Variants in AZI2 observed in about 807,000 individuals in gnomAD.
The protein encoded by AZI2 is 5-azacytidine-induced protein 2.
AZI2 carries 22 observed loss-of-function variants against 45.8 expected under a neutral mutation model. The observed-to-expected ratio is 0.48, with a 90% CI of 0.34 to 0.69. The LOEUF is 0.69. Among genes scored for constraint, AZI2 ranks in the 30% least tolerant of loss-of-function variants. AZI2 has a pLI of 0.01. For synonymous variants in AZI2, 137 were observed against 156.7 expected (o/e 0.87, Z 0.94); for missense variants, 417 against 441.5 (o/e 0.94, Z 0.50).
At chr3:28,346,253 T>C (rs1329137371) in intron 1 of AZI2, among the ~76,000 whole-genome samples, 1 of 152,128 alleles carries the variant, frequency 6.6e-6, no homozygotes, top group Non-Finnish European at 1.5e-5. Context: ...TATAGTTTAG[T>C]TCGCTTTACC....
At chr3:28,348,565 T>A (rs1704372316) in intron 1 of AZI2, 36 bp downstream of exon 1, 1 of 152,578 alleles carries the variant, frequency 6.6e-6, no homozygotes, top group African/African-American at 2.4e-5. Context: ...ATTGCCCGCA[T>A]CCCTATCCTC....
At chr3:28,345,602 A>G (rs1230616379) in intron 1 of AZI2, among the ~76,000 whole-genome samples, 3 of 152,148 alleles carry the variant, frequency 2.0e-5, no homozygotes, top group Non-Finnish European at 2.9e-5. Context: ...TAAAAAAGAA[A>G]GGGCACAATT....
rs546565020 is a variant in AZI2 at position 28,336,664 on chromosome 3, C to T, written c.588+73G>A. ...TTTATTTTAACTCTATGGTTTAATA[C>T]AATCTTAGTTATAAATCCTACATAT... On this transcript the variant is annotated intron_variant, in intron 5 of 7. Coordinates refer to ENST00000479665, the MANE Select transcript of AZI2 (RefSeq NM_022461.5). 8 of 1,442,074 alleles carry T rather than the reference C, an allele frequency of 5.5e-6. No homozygotes were observed. The East Asian group carries it at 1.6e-4, about 29-fold the overall frequency. 89.3% of individuals were successfully genotyped at this position (1,442,074 alleles called of 1,614,324 possible).
chr3:28,341,933 C>A (rs1168225070), intron 1 of AZI2, among the ~76,000 whole-genome samples: 1 of 151,954 alleles, frequency 6.6e-6, no homozygotes, highest in East Asian at 1.9e-4. Context: ...TCCAAAGTAA[C>A]ATAGTAAGTG....
chr3:28,343,496 C>T (rs1344993138), intron 1 of AZI2, among the ~76,000 whole-genome samples: 6 of 151,348 alleles, frequency 4.0e-5, no homozygotes, highest in African/African-American at 1.2e-4. Flanking sequence ...AAAACACAGG[C>T]CTGGACATGA....
rs1703281004 is a variant in AZI2, at chr3:28,323,981, C to A, written c.*61G>T. Reference sequence around the variant, plus strand: ...CTCCTTTCAGTTTGTTAAATAATTTCTTGGGAGGACCACTGAAAGAGATAA... The same window carrying A: ...CTCCTTTCAGTTTGTTAAATAATTTATTGGGAGGACCACTGAAAGAGATAA... On this transcript the variant is annotated 3_prime_UTR_variant, in exon 8 of 8. Coordinates refer to ENST00000479665, the MANE Select transcript of AZI2 (RefSeq NM_022461.5). The A allele has an allele frequency of 6.7e-7, 1 of 1,489,648 alleles. No individual in the cohort carries two copies. The highest frequency in any genetic ancestry group is 9.1e-7 in the Non-Finnish European group (1 of 1,104,882). 92.3% of individuals were successfully genotyped at this position (1,489,648 alleles called of 1,614,324 possible).
chr3:28,346,218 C>A (rs1704223061), intron 1 of AZI2, among the ~76,000 whole-genome samples: 1 of 152,080 alleles, frequency 6.6e-6, no homozygotes. Flanking sequence ...AACACAGATT[C>A]TAGTCTAGGA....
chr3:28,344,884 A>C (rs1055954567), intron 1 of AZI2, among the ~76,000 whole-genome samples: 1 of 152,168 alleles, frequency 6.6e-6, no homozygotes, highest in Middle Eastern at 3.2e-3. Flanking sequence ...CAGAAACTGA[A>C]CTTTCAAAAC....
At position 28,338,629 on chromosome 3, in the gene AZI2, A is replaced by G; in HGVS notation, c.217-14T>C. On this transcript the variant is annotated splice_polypyrimidine_tract_variant and intron_variant, in intron 2 of 7. Coordinates refer to ENST00000479665, the MANE Select transcript of AZI2 (RefSeq NM_022461.5). ...TCGAGCTATTAGCTAACGGTATGAA[A>G]TTAGAAGAGAAAGCTTAAGAGAGTA... The G allele has an allele frequency of 6.2e-7, 1 of 1,604,096 alleles. No individual in the cohort carries two copies. Among genetic ancestry groups the G allele is most frequent in the Non-Finnish European group, 8.5e-7 (1 of 1,175,276 alleles).
At chr3:28,339,813 C>T (rs1160115670) in intron 2 of AZI2, among the ~76,000 whole-genome samples, 3 of 152,062 alleles carry the variant, frequency 2.0e-5, no homozygotes, top group African/African-American at 7.2e-5. Context: ...AAGAATATTC[C>T]TCATACATAA....
At position 28,323,792 on chromosome 3, in the gene AZI2, T is replaced by C; in HGVS notation, c.*250A>G. The C allele has an allele frequency of 6.5e-6, 2 of 308,082 alleles. No individual in the cohort carries two copies. Among genetic ancestry groups the C allele is most frequent in the Non-Finnish European group, 1.2e-5 (2 of 169,372 alleles). The allele number at this position is 308,082 out of a possible 1,614,324, so 19.1% of individuals were successfully genotyped here. A position where few individuals can be genotyped will look rare whatever the true frequency, so the allele number is the denominator to read the frequency against. ...AGAAGGCAGAGTTTTTTAAACACCT[T>C]AAGTTTACTTATTAATTAGTATAGT... On this transcript the variant is annotated 3_prime_UTR_variant, in exon 8 of 8. Coordinates refer to ENST00000479665, the MANE Select transcript of AZI2 (RefSeq NM_022461.5).
chr3:28,321,252 A>G lies in AZI2; in HGVS notation c.*2790T>C, dbSNP rs2125625795. ...GACCTTTGGTATTGGTGCATTTCCT[A>G]GAGCACAGGAAGTTAACTGTTTTTA... On this transcript the variant is annotated 3_prime_UTR_variant, in exon 8 of 8. Coordinates refer to ENST00000479665, the MANE Select transcript of AZI2 (RefSeq NM_022461.5). 6.6e-6 allele frequency: 1 copy of G among 151,486 alleles called. No homozygotes were observed. Among genetic ancestry groups the G allele is most frequent in the Admixed American group, 6.6e-5 (1 of 15,146 alleles). 9.4% of individuals were successfully genotyped at this position (151,486 alleles called of 1,614,324 possible).
chr3:28,343,535 A>AT (rs879407760), intron 1 of AZI2, among the ~76,000 whole-genome samples: 241 of 147,132 alleles, frequency 1.6e-3, no homozygotes, highest in Middle Eastern at 6.9e-3. Context: ...TACAATGTTG[A>AT]TTTTTTTTTT....
At position 28,324,124 on chromosome 3, in the gene AZI2, T is replaced by C; in HGVS notation, c.1097A>G (p.Lys366Arg). ...KSSETAFGET[K>R]TKTLPLPNLP... ...GTTGGGTAAAGGCAAAGTTTTAGTT[T>C]TAGTTTCCCCAAATGCTGTCTCACT... The change falls in exon 8 of 8, where the codon AAA (lysine) becomes AGA (arginine). Residue 366 changes from lysine to arginine, a missense_variant. By Grantham distance (26) the Lys-to-Arg change is conservative (BLOSUM62 2). Transcript: ENST00000479665. The C allele has an allele frequency of 6.2e-7, 1 of 1,610,510 alleles. No individual in the cohort carries two copies. Among genetic ancestry groups the C allele is most frequent in the Non-Finnish European group, 8.5e-7 (1 of 1,177,546 alleles).
chr3:28,340,291 T>C, intron 2 of AZI2, 111 bp downstream of exon 2: 1 of 748,008 alleles, frequency 1.3e-6, no homozygotes, highest in Non-Finnish European at 2.2e-6. Flanking sequence ...TGAGTTATTC[T>C]TGGAAATTTA....
intron 5 of AZI2, among the ~76,000 whole-genome samples, chr3:28,336,515 A>G (rs1703795326): frequency 6.6e-6 from 1 of 152,112 alleles, no homozygotes; most frequent in Admixed American, 6.6e-5. Context: ...CTTTTAAAAA[A>G]CAAAATTGTA....
chr3:28,327,166 T>A (rs1383935499), intron 6 of AZI2, among the ~76,000 whole-genome samples: 1 of 151,044 alleles, frequency 6.6e-6, no homozygotes, highest in African/African-American at 2.4e-5. Context: ...CAATTAACTA[T>A]TATATTAAAC....
rs1369084494 is a variant in AZI2 at position 28,342,726 on chromosome 3, CA to C, written c.-5-2105del. ...TCTTACACATGCACACACACACACA[CA>C]CACACACACACACACACACACTCCC... On this transcript the variant is annotated intron_variant, in intron 1 of 7. Coordinates refer to ENST00000479665, the MANE Select transcript of AZI2 (RefSeq NM_022461.5). Among the ~76,000 whole-genome samples the C allele has an allele frequency of 1.1e-4, 16 of 151,490 alleles. No individual in the cohort carries two copies. In the East Asian group the frequency reaches 2.3e-3, roughly 22 times the overall value.
chr3:28,328,113 C>G (rs914410716), intron 6 of AZI2, among the ~76,000 whole-genome samples: 2 of 150,768 alleles, frequency 1.3e-5, no homozygotes, highest in African/African-American at 4.8e-5. Flanking sequence ...TCAGAAAAAT[C>G]TGCTTTAGTC....
Sources: gnomAD v4.1 joint callset for allele counts (sites outside exome capture counted in the v4.1 genomes callset) on GRCh38, gnomAD v4.1.1 for gene constraint, MANE v1.5 for transcripts, NCBI Gene and HGNC (gene_info 2026-07-23, HGNC 2026-07-21) for gene names.